FOXP2: variants seen among roughly 807,000 people sequenced by gnomAD.
The protein encoded by FOXP2 is forkhead box P2, also known as forkhead box protein P2.
In FOXP2, 12 loss-of-function variants were observed where a neutral mutation model predicts 115.8. The observed-to-expected ratio is 0.10, with a 90% CI of 0.07 to 0.17. The LOEUF (loss-of-function observed/expected upper bound fraction) is 0.17, where lower values mean the gene tolerates loss of function less well. FOXP2 is among the 10% of genes least tolerant of loss of function. FOXP2 has a pLI of 1.00. For missense variants in FOXP2, 629 were observed against 843.5 expected (o/e 0.75, Z 3.15); for synonymous variants, 328 against 297.7 (o/e 1.10, Z -1.05).
chr7:114,444,398 T>A (rs1447124494), intron 2 of FOXP2, among the ~76,000 whole-genome samples: 1 of 152,186 alleles, frequency 6.6e-6, no homozygotes, highest in Non-Finnish European at 1.5e-5. Flanking sequence ...GTTCTTGAAA[T>A]CACCACAAGT....
chr7:114,223,740 T>C (rs1007882497), intron 1 of FOXP2, among the ~76,000 whole-genome samples: 4 of 151,566 alleles, frequency 2.6e-5, no homozygotes, highest in Admixed American at 6.6e-5. Context: ...CCACCGTATA[T>C]GTTGAGATTA....
rs144352362 is a variant in FOXP2, at chr7:114,337,508, A to G, written c.-11+49399A>G. On this transcript the variant is annotated intron_variant, in intron 2 of 17. Coordinates refer to the FOXP2 transcript ENST00000634411. ...TAATATTCTAAAAATAATATGTATTATAACTAAATTTAAAACAAAGAGGAG... is the reference window on the plus strand; with the variant it reads ...TAATATTCTAAAAATAATATGTATTGTAACTAAATTTAAAACAAAGAGGAG... Among the ~76,000 whole-genome samples the G allele has an allele frequency of 4.6e-3, 701 of 151,392 alleles. 4 individuals are homozygous for G. The highest frequency in any genetic ancestry group is 0.016 in the African/African-American group (671 of 41,516).
At chr7:114,251,735 A>G (rs571712883) in intron 1 of FOXP2, among the ~76,000 whole-genome samples, 347 of 152,326 alleles carry the variant, frequency 2.3e-3, no homozygotes, top group Non-Finnish European at 3.3e-3. Context: ...TCATCTGCAA[A>G]CAGGGACAAT....
At chr7:114,404,107 C>G (rs1235594528) in intron 2 of FOXP2, among the ~76,000 whole-genome samples, 1 of 151,974 alleles carries the variant, frequency 6.6e-6, no homozygotes, top group African/African-American at 2.4e-5. Context: ...GTAAACAGCA[C>G]AGGTAGAGGT....
chr7:114,312,957 A>G (rs1297000496), intron 2 of FOXP2, among the ~76,000 whole-genome samples: 1 of 152,228 alleles, frequency 6.6e-6, no homozygotes, highest in Non-Finnish European at 1.5e-5. Flanking sequence ...AGACCCATGG[A>G]GAACCCATCA....
intron 1 of FOXP2, among the ~76,000 whole-genome samples, chr7:114,248,702 G>A (rs565349087): frequency 6.6e-6 from 1 of 152,260 alleles, no homozygotes; most frequent in African/African-American, 2.4e-5. Context: ...CACTGTGTGG[G>A]GTTGACCGTT....
At chr7:114,519,093 C>T (rs578152067) in intron 2 of FOXP2, among the ~76,000 whole-genome samples, 1 of 152,126 alleles carries the variant, frequency 6.6e-6, no homozygotes, top group African/African-American at 2.4e-5. Flanking sequence ...ATCTTATCCC[C>T]TACATACATT....
intron 2 of FOXP2, among the ~76,000 whole-genome samples, chr7:114,355,654 A>C (rs2129186618): frequency 6.6e-6 from 1 of 152,276 alleles, no homozygotes; most frequent in East Asian, 1.9e-4. Flanking sequence ...GTTTAAAAAA[A>C]CAACTAACCT....
chr7:114,462,029 A>C (rs6963603), intron 2 of FOXP2, among the ~76,000 whole-genome samples: 4,171 of 151,962 alleles, frequency 0.027, 117 homozygotes, highest in Middle Eastern at 0.12. Context: ...GCCTGTAATC[A>C]CAGCATTTTG....
intron 2 of FOXP2, chr7:114,498,956 G>C (rs1562961712): frequency 1.4e-6 from 1 of 717,558 alleles, no homozygotes; most frequent in South Asian, 1.5e-5. Context: ...ACCTAGAAGA[G>C]CGATTCTCAA....
chr7:114,169,278 G>A (rs1471241895), intron 1 of FOXP2, among the ~76,000 whole-genome samples: 1 of 152,210 alleles, frequency 6.6e-6, no homozygotes, highest in Non-Finnish European at 1.5e-5. Context: ...AAAGCAGCCG[G>A]GAGGGAGGCT....
intron 2 of FOXP2, among the ~76,000 whole-genome samples, chr7:114,493,679 TTCTG>T (rs1461074649): frequency 7.9e-5 from 12 of 151,750 alleles, no homozygotes; most frequent in Middle Eastern, 3.4e-3. Flanking sequence ...CTCTCTCTCA[TTCTG>T]TCTCTCTCAC....
chr7:114,657,394 A>G (rs1806645074), intron 10 of FOXP2, among the ~76,000 whole-genome samples: 1 of 152,200 alleles, frequency 6.6e-6, no homozygotes, highest in Non-Finnish European at 1.5e-5. Flanking sequence ...ACATTTCATT[A>G]TATTTGTTAA....
At chr7:114,263,960 A>T (rs1795827068) in intron 1 of FOXP2, among the ~76,000 whole-genome samples, 1 of 151,936 alleles carries the variant, frequency 6.6e-6, no homozygotes, top group Non-Finnish European at 1.5e-5. Flanking sequence ...GTGTTTTAAA[A>T]TCTTTAGCTT....
intron 1 of FOXP2, among the ~76,000 whole-genome samples, chr7:114,090,581 T>G (rs1206779863): frequency 6.6e-6 from 1 of 151,852 alleles, no homozygotes; most frequent in East Asian, 1.9e-4. Context: ...TTAAAGCTTC[T>G]GTAAAGGTAA....
At chr7:114,271,623 A>G (rs1043027704) in intron 1 of FOXP2, among the ~76,000 whole-genome samples, 3 of 122,194 alleles carry the variant, frequency 2.5e-5, no homozygotes, top group Non-Finnish European at 4.8e-5. Flanking sequence ...ATAAATAATT[A>G]TATTATTAAT....
chr7:114,371,888 G>A (rs957055715), intron 2 of FOXP2, among the ~76,000 whole-genome samples: 1 of 152,104 alleles, frequency 6.6e-6, no homozygotes, highest in Non-Finnish European at 1.5e-5. Context: ...CAAAAGAAAT[G>A]AAGAAAATAG....
intron 2 of FOXP2, among the ~76,000 whole-genome samples, chr7:114,429,834 T>G (rs1794025013): frequency 6.6e-6 from 1 of 151,642 alleles, no homozygotes; most frequent in African/African-American, 2.4e-5. Flanking sequence ...ATCCACACAT[T>G]TTATTTTCAA....
intron 8 of FOXP2, among the ~76,000 whole-genome samples, chr7:114,651,839 G>T (rs1215127272): frequency 1.3e-5 from 2 of 152,048 alleles, no homozygotes; most frequent in Non-Finnish European, 2.9e-5. Context: ...ATAGAAAATT[G>T]CCTTTGTTCT....
Sources: gnomAD v4.1 joint callset for allele counts (sites outside exome capture counted in the v4.1 genomes callset) on GRCh38, gnomAD v4.1.1 for gene constraint, MANE v1.5 for transcripts, NCBI Gene and HGNC (gene_info 2026-07-23, HGNC 2026-07-21) for gene names.